Variants in KIF4A observed in about 807,000 individuals in gnomAD.
KIF4A encodes the protein chromosome-associated kinesin KIF4A.
KIF4A carries 7 observed loss-of-function variants against 105.9 expected under a neutral mutation model. The ratio of observed to expected loss-of-function variants is 0.07; its 90% confidence interval spans 0.04 to 0.12. KIF4A has a LOEUF of 0.12. Ranked by LOEUF, KIF4A falls within the 10% of genes least tolerant of loss-of-function variation. The pLI is 1.00. For missense variants in KIF4A, 558 were observed against 929.2 expected (o/e 0.60, Z 5.19); for synonymous variants, 281 against 331.3 (o/e 0.85, Z 1.65).
chrX:70,368,079 C>T (rs1030464170), intron 15 of KIF4A, among the ~76,000 whole-genome samples: 6 of 112,368 alleles, frequency 5.3e-5, no homozygotes, highest in South Asian at 7.4e-4. Flanking sequence ...ACGTAGTTCT[C>T]GTGCTGTGGT....
chrX:70,366,049 C>T (rs1292121513), intron 15 of KIF4A, among the ~76,000 whole-genome samples: 1 of 111,573 alleles, frequency 9.0e-6, no homozygotes, highest in Non-Finnish European at 1.9e-5. Flanking sequence ...TTATAGTATT[C>T]TCTGATGGTA....
At chrX:70,366,534 G>A (rs1431294252) in intron 15 of KIF4A, among the ~76,000 whole-genome samples, 1 of 112,186 alleles carries the variant, frequency 8.9e-6, no homozygotes. Context: ...TCAGGAGCAG[G>A]TTGTTCAGTT....
intron 15 of KIF4A, among the ~76,000 whole-genome samples, chrX:70,373,557 C>T (rs77165879): frequency 0.3 from 805 of 2,724 alleles, 232 homozygotes; most frequent in East Asian, 0.61. Context: ...TATATATATA[C>T]GTATATATAT....
At chrX:70,418,134 C>A in intron 29 of KIF4A, 130 bp downstream of exon 29, 1 of 489,765 alleles carries the variant, frequency 2.0e-6, no homozygotes, top group Non-Finnish European at 3.4e-6. Flanking sequence ...CTTCCCTCTG[C>A]ACCCAGAAAA....
chrX:70,384,773 T>C (rs1344965602), intron 18 of KIF4A, among the ~76,000 whole-genome samples: 1 of 108,951 alleles, frequency 9.2e-6, no homozygotes, highest in Non-Finnish European at 1.9e-5. Context: ...TTGGGAGTAA[T>C]GAGATAATGG....
chrX:70,383,048 G>T (rs1240984696), intron 18 of KIF4A, among the ~76,000 whole-genome samples: 1 of 110,235 alleles, frequency 9.1e-6, no homozygotes, highest in Admixed American at 9.7e-5. Context: ...GTGGCCGGGT[G>T]TGGTGGCACA....
chrX:70,408,937 C>T (rs1169561874), intron 28 of KIF4A, among the ~76,000 whole-genome samples: 1 of 112,158 alleles, frequency 8.9e-6, no homozygotes, highest in East Asian at 2.8e-4. Flanking sequence ...ACGATCTTGG[C>T]TCACCACAAC....
chrX:70,371,932 T>C (rs2086138178), intron 15 of KIF4A, among the ~76,000 whole-genome samples: 1 of 99,846 alleles, frequency 1.0e-5, no homozygotes, highest in African/African-American at 3.8e-5. Context: ...TCAGACGGGG[T>C]GGCCGGGCAG....
chrX:70,300,077 C>A (rs1402260325), intron 5 of KIF4A, among the ~76,000 whole-genome samples: 1 of 111,636 alleles, frequency 9.0e-6, no homozygotes, highest in Non-Finnish European at 1.9e-5. Flanking sequence ...TATCTTACTC[C>A]TGTTCTCCTT....
intron 15 of KIF4A, among the ~76,000 whole-genome samples, chrX:70,366,334 T>G (rs1655388364): frequency 9.0e-6 from 1 of 111,648 alleles, no homozygotes; most frequent in South Asian, 3.8e-4. Flanking sequence ...TCTTTTAATT[T>G]TGATGTTGGG....
intron 23 of KIF4A, among the ~76,000 whole-genome samples, chrX:70,403,316 A>C (rs756294685): frequency 8.9e-6 from 1 of 112,425 alleles, no homozygotes; most frequent in South Asian, 3.7e-4. Context: ...GGAAATCTTG[A>C]TCAGTCTTGT....
chrX:70,331,686 A>G (rs776299962), intron 9 of KIF4A, among the ~76,000 whole-genome samples: 3 of 111,739 alleles, frequency 2.7e-5, no homozygotes, highest in Non-Finnish European at 5.6e-5. Context: ...GTGAAGCACA[A>G]TAAACTGAGA....
chrX:70,420,065 C>T lies in KIF4A; in HGVS notation c.3499C>T (p.Leu1167=). 8.3e-7 allele frequency: 1 copy of T among 1,210,064 alleles called. No homozygotes were observed. Among genetic ancestry groups the T allele is most frequent in the Non-Finnish European group, 1.1e-6 (1 of 894,478 alleles). ...TACCTGTCTCTGTCCCTCCTAGATC[C>T]TGAAAGAGATGTGCGATGTGGAGCA... ...PVCATPNSKI[L]KEMCDVEQVL... The change falls in exon 31 of 31, where the codon CTG becomes TTG. Residue 1167 remains leucine (L), a synonymous_variant. Coordinates refer to ENST00000374403, the MANE Select transcript of KIF4A (RefSeq NM_012310.5).
chrX:70,409,285 C>T (rs886177390), intron 28 of KIF4A, among the ~76,000 whole-genome samples: 4 of 112,090 alleles, frequency 3.6e-5, no homozygotes, highest in Non-Finnish European at 7.5e-5. Flanking sequence ...AACTGGGAGA[C>T]ATTTCTGGCA....
rs1191284801 is a variant in KIF4A at position 70,299,306 on chromosome X, A to G, written c.516+104A>G. The G allele has an allele frequency of 6.6e-6, 4 of 606,090 alleles. No homozygotes were observed. In the East Asian group the frequency reaches 1.1e-4, roughly 17 times the overall value. 49.9% of individuals were successfully genotyped at this position (606,090 alleles called of 1,213,427 possible). ...ACTGTGGTTTTAAATGACTACTATC[A>G]TCTCAGTCAGGTTTTCTGTGGTCCT... On this transcript the variant is annotated intron_variant, in intron 5 of 30. Transcript: ENST00000374403.
At position 70,302,385 on chromosome X, in the gene KIF4A, T is replaced by C. The variant is rs776829682; in HGVS notation, c.765T>C (p.Asp255=). 1.3e-5 allele frequency: 16 copies of C among 1,209,776 alleles called. No individual in the cohort carries two copies. Among genetic ancestry groups the C allele is most frequent in the Non-Finnish European group, 1.1e-6 (1 of 894,916 alleles). Residue 255 remains aspartate, a synonymous_variant, in exon 7 of 31, where the codon GAT becomes GAC. Coordinates refer to ENST00000374403, the MANE Select transcript of KIF4A (RefSeq NM_012310.5). Reference sequence around the variant, plus strand: ...AGAAGAAAACCAAGGCTGAAGGGGATCGTCTAAAAGAGGGTAAGAGAGTAA... The same window carrying C: ...AGAAGAAAACCAAGGCTGAAGGGGACCGTCTAAAAGAGGGTAAGAGAGTAA... ...ERQKKTKAEG[D]RLKEGININR... is the part of the protein sequence containing the mutation.
chrX:70,377,754 G>A (rs1189699623), intron 18 of KIF4A, among the ~76,000 whole-genome samples: 1 of 111,774 alleles, frequency 8.9e-6, no homozygotes, highest in Non-Finnish European at 1.9e-5. Context: ...TGGCCAACAT[G>A]ATGAAACACC....
In KIF4A at chrX:70,402,660, G is replaced by A. The variant is rs769663031; in HGVS notation, c.2584G>A (p.Glu862Lys). 30 of 1,211,029 alleles carry A rather than the reference G, an allele frequency of 2.5e-5. No individual in the cohort carries two copies. The South Asian group carries it at 5.3e-4, about 21-fold the overall frequency. Residue 862 changes from glutamate (E) to lysine (K), a missense_variant, in exon 23 of 31, where the codon GAA becomes AAA. Coordinates refer to ENST00000374403, the MANE Select transcript of KIF4A (RefSeq NM_012310.5). ...CTGGGAGAATATTGCCACCATTCTGGAAGCCAAGTGTGCCCTGAAATATTT... is the reference window on the plus strand; with the variant it reads ...CTGGGAGAATATTGCCACCATTCTGAAAGCCAAGTGTGCCCTGAAATATTT... ...QRWENIATIL[E>K]AKCALKYLIG... is the part of the protein sequence containing the mutation.
At chrX:70,382,608 A>T (rs2086201436) in intron 18 of KIF4A, among the ~76,000 whole-genome samples, 1 of 111,878 alleles carries the variant, frequency 8.9e-6, no homozygotes, top group South Asian at 3.7e-4. Context: ...ACCAAAAAAG[A>T]GTTAAATTAG....
Sources: gnomAD v4.1 joint callset for allele counts (sites outside exome capture counted in the v4.1 genomes callset) on GRCh38, gnomAD v4.1.1 for gene constraint, MANE v1.5 for transcripts, NCBI Gene and HGNC (gene_info 2026-07-23, HGNC 2026-07-21) for gene names.